Variants in TF observed in about 807,000 individuals in gnomAD.
TF encodes the protein serotransferrin.
A neutral mutation model predicts 82.4 loss-of-function variants in TF; 55 were observed. That is an observed-to-expected ratio of 0.67 (90% confidence interval 0.54 to 0.84). TF has a LOEUF of 0.84. Ranked by LOEUF, TF falls within the 40% of genes least tolerant of loss-of-function variation. The probability of loss-of-function intolerance (pLI) is 0.00; values close to 1 mark genes in which losing one functional copy is unlikely to be tolerated. For synonymous variants in TF, 332 were observed against 332.6 expected (o/e 1.00, Z 0.02); for missense variants, 737 against 868.4 (o/e 0.85, Z 1.90).
Position 133,756,988 on chromosome 3 carries a change from G to A in TF, c.849G>A (p.Trp283Ter). 6.2e-7 allele frequency: 1 copy of A among 1,614,134 alleles called. No individual in the cohort carries two copies. Among genetic ancestry groups the A allele is most frequent in the Non-Finnish European group, 8.5e-7 (1 of 1,180,014 alleles). Residue 283 changes from tryptophan (W) to a stop codon, truncating the protein, a stop_gained, in exon 7 of 17, where the codon TGG becomes TGA. Transcript: ENST00000402696. LOFTEE classifies it high-confidence loss of function. ...TGGGCGGCAAGGAGGACTTGATCTG[G>A]GAGCTTCTCAACCAGGCCCAGGTAT... ...RSMGGKEDLI[W>*]ELLNQAQEHF... is the part of the protein sequence containing the mutation.
At position 133,779,143 on chromosome 3, in the gene TF, A is replaced by G; in HGVS notation, c.*523A>G. 1 of 155,604 alleles carries G rather than the reference A, an allele frequency of 6.4e-6. No individual in the cohort carries two copies. The highest frequency in any genetic ancestry group is 1.4e-5 in the Non-Finnish European group (1 of 70,144). The allele number at this position is 155,604 out of a possible 1,614,324, so 9.6% of individuals were successfully genotyped here. A position where few individuals can be genotyped will look rare whatever the true frequency, so the allele number is the denominator to read the frequency against. ...TACAGAAGACTTACCTTTATTTGGT[A>G]TTTTAAATGAATTCCATCAGGCTGA... On this transcript the variant is annotated 3_prime_UTR_variant, in exon 17 of 17. Coordinates refer to ENST00000402696, the MANE Select transcript of TF (RefSeq NM_001063.4).
chr3:133,769,581 C>T (rs1432602753), intron 13 of TF, among the ~76,000 whole-genome samples: 1 of 152,264 alleles, frequency 6.6e-6, no homozygotes, highest in South Asian at 2.1e-4. Context: ...AAAATTAAAT[C>T]AATATGTGGC....
the TF span, among the ~76,000 whole-genome samples, chr3:133,672,606 A>G: frequency 1.3e-5 from 2 of 152,100 alleles, no homozygotes; most frequent in African/African-American, 2.4e-5. Context: ...GCACTGCTGT[A>G]GCCCCAGCTA....
chr3:133,722,605 G>A, the TF span, among the ~76,000 whole-genome samples: 5 of 152,112 alleles, frequency 3.3e-5, no homozygotes, highest in African/African-American at 1.2e-4. Context: ...GCTAATGTCA[G>A]TCTTGTAAGT....
the TF span, among the ~76,000 whole-genome samples, chr3:133,708,071 GA>G: frequency 1.3e-5 from 2 of 152,046 alleles, no homozygotes; most frequent in Non-Finnish European, 2.9e-5. Flanking sequence ...ATATTCAACA[GA>G]AAAACTTAAA....
Position 133,789,720 on chromosome 3 carries a change from A to G in TF, c.*11100A>G, listed in dbSNP as rs1934780049. 3 of 152,188 alleles carry G rather than the reference A, an allele frequency of 2.0e-5. No homozygotes were observed. The highest frequency in any genetic ancestry group is 7.2e-5 in the African/African-American group (3 of 41,452). 9.4% of individuals were successfully genotyped at this position (152,188 alleles called of 1,614,324 possible). A position where few individuals can be genotyped will look rare whatever the true frequency, so the allele number is the denominator to read the frequency against. The stretch of plus-strand genomic sequence containing the variant: ...CTTTCCTAAACAGGCTAGTTTTAAA[A>G]TTATTGGTGAAGTAAAAATAGAAAT... On this transcript the variant is annotated 3_prime_UTR_variant, in exon 17 of 17. Transcript: ENST00000402696.
chr3:133,740,296 A>G, the TF span, among the ~76,000 whole-genome samples: 1 of 152,148 alleles, frequency 6.6e-6, no homozygotes, highest in Admixed American at 6.5e-5. Context: ...GAATACATGG[A>G]CACAGGGAGG....
At chr3:133,717,123 G>C in the TF span, among the ~76,000 whole-genome samples, 1 of 152,096 alleles carries the variant, frequency 6.6e-6, no homozygotes, top group Non-Finnish European at 1.5e-5. Flanking sequence ...TCTCTAGCTT[G>C]CTATATATTT....
Position 133,764,179 on chromosome 3 carries a change from C to A in TF, c.1204-3C>A, listed in dbSNP as rs112564698. 1.2e-6 allele frequency: 2 copies of A among 1,613,360 alleles called. No individual in the cohort carries two copies. Among genetic ancestry groups the A allele is most frequent in the Non-Finnish European group, 8.5e-7 (1 of 1,179,430 alleles). ...TCTGCTGTGATTTGCTGTGTCTTTG[C>A]AGAATGGAGAAGCTGATGCCATGAG... On this transcript the variant is annotated splice_region_variant and splice_polypyrimidine_tract_variant and intron_variant, in intron 9 of 16. Transcript: ENST00000402696.
chr3:133,691,692 A>G, the TF span: 1 of 152,938 alleles, frequency 6.5e-6, no homozygotes, highest in African/African-American at 2.4e-5. Context: ...AGTGATGGGC[A>G]TCATGCATGG....
chr3:133,711,425 T>C, the TF span, among the ~76,000 whole-genome samples: 13 of 152,274 alleles, frequency 8.5e-5, no homozygotes, highest in African/African-American at 2.9e-4. Flanking sequence ...ACTAAGCTCA[T>C]CCTGTTCAAA....
chr3:133,700,298 C>T, the TF span: 5 of 152,410 alleles, frequency 3.3e-5, no homozygotes, highest in Admixed American at 3.3e-4. Context: ...AAAGCAAACA[C>T]CAGCCAGCCA....
rs189396258 is a variant in TF, at chr3:133,771,185, G to T, written c.1687+613G>T. Among the ~76,000 whole-genome samples, 9 of 152,364 alleles carry T rather than the reference G, an allele frequency of 5.9e-5. No individual in the cohort carries two copies. The East Asian group carries it at 1.5e-3, about 26-fold the overall frequency. ...TGAGCCTAGAACAACACACTGAAGT[G>T]CTCAAACAGTGATGGGACACTCAAA... On this transcript the variant is annotated intron_variant, in intron 14 of 16. Transcript: ENST00000402696.
chr3:133,719,594 G>T, the TF span, among the ~76,000 whole-genome samples: 2 of 151,944 alleles, frequency 1.3e-5, no homozygotes, highest in African/African-American at 2.4e-5. Context: ...TTGGCTATTT[G>T]GGGTCTTTAG....
At chr3:133,675,908 A>G in the TF span, among the ~76,000 whole-genome samples, 2 of 152,192 alleles carry the variant, frequency 1.3e-5, no homozygotes, top group Non-Finnish European at 1.5e-5. Flanking sequence ...CCGTGACAGA[A>G]TAAGTTCATG....
At chr3:133,760,133 C>T (rs1422646257) in intron 9 of TF, among the ~76,000 whole-genome samples, 2 of 152,028 alleles carry the variant, frequency 1.3e-5, no homozygotes, top group African/African-American at 4.8e-5. Context: ...CCCCCTCCTC[C>T]CCACATTTCT....
chr3:133,763,484 T>G (rs1211527223), intron 9 of TF, among the ~76,000 whole-genome samples: 1 of 152,238 alleles, frequency 6.6e-6, no homozygotes, highest in African/African-American at 2.4e-5. Context: ...GAGCATTTAG[T>G]TTAATTTTCT....
chr3:133,794,945 G>C lies in TF; in HGVS notation c.*16325G>C, dbSNP rs76456178. The C allele has an allele frequency of 3.3e-5, 5 of 152,126 alleles. No homozygotes were observed. The highest frequency in any genetic ancestry group is 2.9e-5 in the Non-Finnish European group (2 of 68,014). The allele number at this position is 152,126 out of a possible 1,614,324, so 9.4% of individuals were successfully genotyped here. ...TGAAGAATTTTGCAGCCAGCTTTAGGTCCTTTTTCCATGATTTGGAATAAA... is the reference window on the plus strand; with the variant it reads ...TGAAGAATTTTGCAGCCAGCTTTAGCTCCTTTTTCCATGATTTGGAATAAA... On this transcript the variant is annotated 3_prime_UTR_variant, in exon 17 of 17. Transcript: ENST00000402696.
the TF span, among the ~76,000 whole-genome samples, chr3:133,678,325 G>A: frequency 6.6e-6 from 1 of 152,298 alleles, no homozygotes. Context: ...AAATATACGT[G>A]TGCATGTGTC....
Sources: allele counts gnomAD v4.1 joint callset (sites outside exome capture counted in the v4.1 genomes callset), GRCh38; gene constraint gnomAD v4.1.1; transcripts MANE v1.5; gene names NCBI Gene and HGNC (gene_info 2026-07-23, HGNC 2026-07-21).